Variants in OXR1 observed in about 807,000 individuals in gnomAD.
OXR1 encodes oxidation resistance 1.
In OXR1, 41 loss-of-function variants were observed where a neutral mutation model predicts 104.6. The observed-to-expected ratio is 0.39, with a 90% confidence interval of 0.31 to 0.51. The LOEUF (loss-of-function observed/expected upper bound fraction) is 0.51. Among genes scored for constraint, OXR1 ranks in the 20% least tolerant of loss-of-function variants. OXR1 has a pLI of 0.77. For synonymous variants in OXR1, 348 were observed against 348.4 expected, an observed-to-expected ratio of 1.00 and a Z score of 0.01; for missense variants, 955 against 1,031.9, an observed-to-expected ratio of 0.93 and a Z score of 1.02.
At chr8:106,465,533 G>C (rs1057419429) in intron 2 of OXR1, among the ~76,000 whole-genome samples, 1 of 152,018 alleles carries the variant, frequency 6.6e-6, no homozygotes, top group Non-Finnish European at 1.5e-5. Context: ...GCAAAGCAGA[G>C]AGACCAGGTA....
intron 3 of OXR1, chr8:106,657,835 A>T (rs1342929193): frequency 2.4e-6 from 3 of 1,235,344 alleles, no homozygotes; most frequent in African/African-American, 1.6e-5. Context: ...AGAGAGAGGG[A>T]CGCCCCCTCC....
intron 1 of OXR1, among the ~76,000 whole-genome samples, chr8:106,315,811 C>T (rs1813908413): frequency 6.6e-6 from 1 of 152,180 alleles, no homozygotes; most frequent in Non-Finnish European, 1.5e-5. Flanking sequence ...TCTACTTACA[C>T]TTAACACAAG....
At chr8:106,652,355 A>G (rs1181178214) in intron 3 of OXR1, among the ~76,000 whole-genome samples, 1 of 152,142 alleles carries the variant, frequency 6.6e-6, no homozygotes, top group Non-Finnish European at 1.5e-5. Context: ...ATTATCCAGG[A>G]TAGACTATAA....
chr8:106,570,277 A>G (rs1055031372), intron 3 of OXR1, among the ~76,000 whole-genome samples: 3 of 152,198 alleles, frequency 2.0e-5, no homozygotes, highest in Admixed American at 6.5e-5. Context: ...CTGGAAGTCC[A>G]GGACCAATGA....
intron 15 of OXR1, among the ~76,000 whole-genome samples, chr8:106,744,742 A>G (rs1319457652): frequency 6.6e-6 from 1 of 152,206 alleles, no homozygotes. Context: ...CATTGAGTGC[A>G]ATATTAGTAT....
At chr8:106,454,723 C>T (rs956725524) in intron 2 of OXR1, among the ~76,000 whole-genome samples, 7 of 151,956 alleles carry the variant, frequency 4.6e-5, no homozygotes, top group Non-Finnish European at 7.4e-5. Context: ...TAGTCTGTCC[C>T]CAACATACTC....
At chr8:106,328,007 T>A (rs1408563434) in intron 1 of OXR1, among the ~76,000 whole-genome samples, 1 of 152,184 alleles carries the variant, frequency 6.6e-6, no homozygotes, top group African/African-American at 2.4e-5. Context: ...TGGGTTTGAT[T>A]CCAACCCAGT....
At chr8:106,313,727 T>TA (rs1007859560) in intron 1 of OXR1, among the ~76,000 whole-genome samples, 17 of 149,332 alleles carry the variant, frequency 1.1e-4, no homozygotes, top group South Asian at 4.3e-4. Context: ...TTGCCAAAAA[T>TA]AAAAAAAAAA....
chr8:106,522,039 C>G (rs1402849781), intron 3 of OXR1, among the ~76,000 whole-genome samples: 1 of 152,160 alleles, frequency 6.6e-6, no homozygotes, highest in Non-Finnish European at 1.5e-5. Flanking sequence ...AATGAAGTTT[C>G]ATACTATAGT....
At chr8:106,502,373 G>T (rs894297566) in intron 2 of OXR1, among the ~76,000 whole-genome samples, 2 of 152,186 alleles carry the variant, frequency 1.3e-5, no homozygotes, top group African/African-American at 4.8e-5. Flanking sequence ...GATATAGAAA[G>T]ATAGAGACAG....
chr8:106,284,620 C>T (rs369620533), intron 1 of OXR1, among the ~76,000 whole-genome samples: 1 of 152,146 alleles, frequency 6.6e-6, no homozygotes, highest in Admixed American at 6.5e-5. Flanking sequence ...AATACATATA[C>T]AACATTACAA....
At chr8:106,361,365 C>A (rs1446210662) in intron 2 of OXR1, among the ~76,000 whole-genome samples, 3 of 152,130 alleles carry the variant, frequency 2.0e-5, no homozygotes, top group Non-Finnish European at 4.4e-5. Flanking sequence ...TTTTTATCAG[C>A]ACTATCCTCG....
chr8:106,288,011 G>A (rs962458331), intron 1 of OXR1, among the ~76,000 whole-genome samples: 4 of 152,206 alleles, frequency 2.6e-5, no homozygotes, highest in African/African-American at 9.6e-5. Context: ...GGATCTGTCT[G>A]CAAGTTCTTC....
At chr8:106,343,937 A>C (rs1416637989) in intron 1 of OXR1, among the ~76,000 whole-genome samples, 1 of 152,230 alleles carries the variant, frequency 6.6e-6, no homozygotes, top group Non-Finnish European at 1.5e-5. Flanking sequence ...GTTTATTGCA[A>C]AATACAAATT....
At chr8:106,741,935 A>G (rs577551212) in intron 14 of OXR1, among the ~76,000 whole-genome samples, 5 of 152,322 alleles carry the variant, frequency 3.3e-5, no homozygotes, top group African/African-American at 4.8e-5. Context: ...TCGTCCTGAA[A>G]TGTGTTAACC....
intron 3 of OXR1, among the ~76,000 whole-genome samples, chr8:106,577,378 C>CTTTTTTTTTT (rs5893798): frequency 2.3e-5 from 1 of 43,574 alleles, no homozygotes; most frequent in Non-Finnish European, 3.9e-5. Context: ...GCCCAGCTAA[C>CTTTTTTTTTT]TTTTTTTTTT....
chr8:106,513,410 TACAC>T (rs10582378), intron 2 of OXR1, among the ~76,000 whole-genome samples: 11 of 150,800 alleles, frequency 7.3e-5, no homozygotes, highest in African/African-American at 2.2e-4. Flanking sequence ...CGTGGATTTA[TACAC>T]ACACACACAC....
intron 11 of OXR1, among the ~76,000 whole-genome samples, chr8:106,717,468 T>C (rs1202005386): frequency 2.6e-5 from 4 of 152,210 alleles, no homozygotes; most frequent in Non-Finnish European, 5.9e-5. Context: ...CTCACTGTTA[T>C]TCTGCTTTAG....
intron 3 of OXR1, among the ~76,000 whole-genome samples, chr8:106,588,517 T>C (rs971611291): frequency 5.3e-5 from 8 of 151,268 alleles, no homozygotes; most frequent in African/African-American, 2.0e-4. Context: ...TGAGACAGTC[T>C]TGCTCTGTCA....
Sources: gnomAD v4.1 joint callset for allele counts (sites outside exome capture counted in the v4.1 genomes callset) on GRCh38, gnomAD v4.1.1 for gene constraint, MANE v1.5 for transcripts, NCBI Gene and HGNC (gene_info 2026-07-23, HGNC 2026-07-21) for gene names.